The following RAB38 variants were observed in gnomAD, a reference collection of about 807,000 sequenced individuals.
RAB38 encodes the protein ras-related protein Rab-38.
RAB38 carries 15 observed loss-of-function variants against 18.4 expected under a neutral mutation model. That is an observed-to-expected ratio of 0.82 (90% CI 0.55 to 1.26). The LOEUF is 1.26. RAB38 is among the 50% of genes most tolerant of loss of function. RAB38 has a pLI of 0.00. For missense variants in RAB38, 294 were observed against 267.4 expected, an observed-to-expected ratio of 1.10 and a Z score of -0.69; for synonymous variants, 101 against 104.4, an observed-to-expected ratio of 0.97 and a Z score of 0.20.
chr11:87,962,090 A>C, the RAB38 span, among the ~76,000 whole-genome samples: 1 of 152,328 alleles, frequency 6.6e-6, no homozygotes, highest in Non-Finnish European at 1.5e-5. Context: ...TACATTATAA[A>C]GTAAGGATGG....
the RAB38 span, among the ~76,000 whole-genome samples, chr11:88,044,724 C>A: frequency 6.6e-6 from 1 of 152,144 alleles, no homozygotes; most frequent in Admixed American, 6.5e-5. Flanking sequence ...AATCCTCCTT[C>A]TTTCCCTCCC....
chr11:87,935,652 A>G, the RAB38 span, among the ~76,000 whole-genome samples: 6 of 152,268 alleles, frequency 3.9e-5, no homozygotes, highest in East Asian at 1.2e-3. Context: ...GAAAACTTAT[A>G]GTACAATACA....
At chr11:87,936,888 T>C in the RAB38 span, among the ~76,000 whole-genome samples, 2 of 152,132 alleles carry the variant, frequency 1.3e-5, no homozygotes, top group African/African-American at 2.4e-5. Flanking sequence ...TTTTGTAAAT[T>C]GCTTGGTAAT....
the RAB38 span, among the ~76,000 whole-genome samples, chr11:87,895,985 G>A: frequency 6.6e-6 from 1 of 151,550 alleles, no homozygotes; most frequent in Non-Finnish European, 1.5e-5. Flanking sequence ...AATTATTTAA[G>A]CCTGCGTATT....
the RAB38 span, among the ~76,000 whole-genome samples, chr11:87,821,578 A>G: frequency 2.0e-5 from 3 of 152,148 alleles, no homozygotes; most frequent in Non-Finnish European, 4.4e-5. Context: ...GGCTGGGCAC[A>G]GTGGCTCAGG....
At chr11:87,974,098 T>C in the RAB38 span, among the ~76,000 whole-genome samples, 278 of 151,958 alleles carry the variant, frequency 1.8e-3, 4 homozygotes, top group African/African-American at 6.1e-3. Context: ...ATTTGTGAGA[T>C]AGTCAAAGAA....
At chr11:87,809,870 A>G in the RAB38 span, among the ~76,000 whole-genome samples, 4 of 152,106 alleles carry the variant, frequency 2.6e-5, no homozygotes, top group African/African-American at 7.2e-5. Context: ...CCTATTCTTT[A>G]TAACCTAGAA....
At chr11:88,174,128 TC>T (rs1943346396) in intron 1 of RAB38, 1 of 973,496 alleles carries the variant, frequency 1.0e-6, no homozygotes. Context: ...AGCAGGAAGA[TC>T]CTTGACCCTT....
the RAB38 span, among the ~76,000 whole-genome samples, chr11:88,096,659 G>T: frequency 6.6e-6 from 1 of 151,390 alleles, no homozygotes; most frequent in African/African-American, 2.4e-5. Context: ...CAAAAACAAA[G>T]AAAAAAAGAA....
chr11:88,175,417 C>G lies in RAB38; in HGVS notation c.-33G>C. 1 of 1,608,246 alleles carries G rather than the reference C, an allele frequency of 6.2e-7. No individual in the cohort carries two copies. Among genetic ancestry groups the G allele is most frequent in the Non-Finnish European group, 8.5e-7 (1 of 1,175,888 alleles). Reference sequence around the variant, plus strand: ...GCCGGCCAGACGTGCCGTGCCTGACCAGGGAAGCGCAGCCTGGGCTCTGCG... The same window carrying G: ...GCCGGCCAGACGTGCCGTGCCTGACGAGGGAAGCGCAGCCTGGGCTCTGCG... On this transcript the variant is annotated 5_prime_UTR_variant, in exon 1 of 3. Transcript: ENST00000243662.
At chr11:87,870,842 T>C in the RAB38 span, among the ~76,000 whole-genome samples, 1 of 151,652 alleles carries the variant, frequency 6.6e-6, no homozygotes, top group East Asian at 2.0e-4. Context: ...ATAACTATCA[T>C]TGTACATTTG....
At chr11:87,890,562 G>A in the RAB38 span, among the ~76,000 whole-genome samples, 3 of 151,748 alleles carry the variant, frequency 2.0e-5, no homozygotes, top group Non-Finnish European at 4.4e-5. Flanking sequence ...TGTTTAGAAT[G>A]GCATCTAAAG....
the RAB38 span, among the ~76,000 whole-genome samples, chr11:87,955,352 A>ACTGGAGGCTG: frequency 1.3e-5 from 2 of 152,184 alleles, no homozygotes; most frequent in Non-Finnish European, 2.9e-5. Flanking sequence ...AACAATGGAC[A>ACTGGAGGCTG]CTGGAGGCTG....
At chr11:88,009,274 A>C in the RAB38 span, among the ~76,000 whole-genome samples, 5,835 of 152,280 alleles carry the variant, frequency 0.038, 171 homozygotes, top group Middle Eastern at 0.068. Context: ...AAGCATAAGC[A>C]TATAATAGAG....
the RAB38 span, among the ~76,000 whole-genome samples, chr11:88,097,377 G>A: frequency 5.3e-5 from 8 of 151,874 alleles, no homozygotes; most frequent in Non-Finnish European, 1.0e-4. Context: ...AAACTGTCAG[G>A]AAGAAATTCC....
At chr11:88,004,453 C>A in the RAB38 span, among the ~76,000 whole-genome samples, 1 of 151,032 alleles carries the variant, frequency 6.6e-6, no homozygotes, top group Non-Finnish European at 1.5e-5. Context: ...ATCAGAAAAC[C>A]TGAAATATAA....
chr11:87,852,421 A>T, the RAB38 span, among the ~76,000 whole-genome samples: 2 of 152,146 alleles, frequency 1.3e-5, no homozygotes, highest in African/African-American at 4.8e-5. Flanking sequence ...TGAAAACATT[A>T]TCAAAGTCAC....
chr11:87,933,590 G>C, the RAB38 span, among the ~76,000 whole-genome samples: 1 of 151,946 alleles, frequency 6.6e-6, no homozygotes, highest in Non-Finnish European at 1.5e-5. Flanking sequence ...GTGTCTCTGG[G>C]CAGAATTGAG....
chr11:87,971,668 G>C, the RAB38 span, among the ~76,000 whole-genome samples: 1 of 152,242 alleles, frequency 6.6e-6, no homozygotes, highest in East Asian at 1.9e-4. Flanking sequence ...AAGAGATGCT[G>C]ATGCTAGACA....
Sources: gnomAD v4.1 joint callset for allele counts (sites outside exome capture counted in the v4.1 genomes callset) on GRCh38, gnomAD v4.1.1 for gene constraint, MANE v1.5 for transcripts, NCBI Gene and HGNC (gene_info 2026-07-23, HGNC 2026-07-21) for gene names.